RAB2A: variants seen among roughly 807,000 people sequenced by gnomAD.
RAB2A encodes RAB2A, member RAS oncogene family.
Under a neutral mutation model 32.5 loss-of-function variants are expected in RAB2A, and 7 were observed. That is an observed-to-expected ratio of 0.22 (90% CI 0.12 to 0.40). The LOEUF (loss-of-function observed/expected upper bound fraction) is 0.40. Among genes scored for constraint, RAB2A ranks in the 10% least tolerant of loss-of-function variants. The pLI, the probability that RAB2A is intolerant of heterozygous loss-of-function variation, is 1.00. For synonymous variants in RAB2A, 79 were observed against 85.2 expected (o/e 0.93, Z 0.40); for missense variants, 108 against 260.7 (o/e 0.41, Z 4.03).
Position 60,530,878 on chromosome 8 carries a change from T to G in RAB2A, c.46+13625T>G, listed in dbSNP as rs560042584. The stretch of plus-strand genomic sequence containing the variant: ...AACAATGTGGTAGATTTTCCAAGCA[T>G]GTATAGGTCACCTATTCCTTGCAGG... On this transcript the variant is annotated intron_variant, in intron 1 of 7. Coordinates refer to ENST00000262646, the MANE Select transcript of RAB2A (RefSeq NM_002865.3). Among the ~76,000 whole-genome samples the G allele has an allele frequency of 1.9e-4, 27 of 145,270 alleles. No homozygotes were observed. In the South Asian group the frequency reaches 6.2e-3, roughly 33 times the overall value.
intron 2 of RAB2A, among the ~76,000 whole-genome samples, chr8:60,570,603 CTG>C (rs1340336727): frequency 6.6e-6 from 1 of 152,016 alleles, no homozygotes; most frequent in Non-Finnish European, 1.5e-5. Context: ...TATGTAAACA[CTG>C]TAATGGTTTT....
At chr8:60,591,771 A>G in intron 5 of RAB2A, 87 bp from the exon 6 acceptor site, 1 of 812,208 alleles carries the variant, frequency 1.2e-6, no homozygotes, top group Non-Finnish European at 2.0e-6. Context: ...GGTCATCACA[A>G]CTTTGAATTC....
At chr8:60,612,054 G>A (rs930775716) in intron 6 of RAB2A, among the ~76,000 whole-genome samples, 14 of 152,070 alleles carry the variant, frequency 9.2e-5, no homozygotes, top group African/African-American at 2.4e-4. Flanking sequence ...GTGGTTTGCT[G>A]CACCTATCAA....
At chr8:60,595,649 A>G (rs957787579) in intron 6 of RAB2A, among the ~76,000 whole-genome samples, 8 of 152,254 alleles carry the variant, frequency 5.3e-5, no homozygotes, top group African/African-American at 1.7e-4. Context: ...GGGACATTAT[A>G]TAATGATAAA....
intron 2 of RAB2A, among the ~76,000 whole-genome samples, chr8:60,565,146 G>T (rs1220209316): frequency 4.6e-5 from 7 of 152,124 alleles, no homozygotes; most frequent in Non-Finnish European, 7.4e-5. Context: ...AGAAATGATT[G>T]CTGGGCTCAT....
intron 6 of RAB2A, among the ~76,000 whole-genome samples, chr8:60,605,851 A>AT (rs1228947672): frequency 6.8e-6 from 1 of 147,400 alleles, no homozygotes; most frequent in African/African-American, 2.6e-5. Flanking sequence ...ATATATATAT[A>AT]TAATGCTTCA....
chr8:60,578,561 A>C (rs922477364), intron 3 of RAB2A, among the ~76,000 whole-genome samples: 8 of 151,560 alleles, frequency 5.3e-5, no homozygotes, highest in African/African-American at 1.7e-4. Flanking sequence ...ATGGACTTGT[A>C]TGAGCAAGAT....
At chr8:60,540,907 T>G (rs1400438726) in intron 1 of RAB2A, among the ~76,000 whole-genome samples, 2 of 152,196 alleles carry the variant, frequency 1.3e-5, no homozygotes, top group Non-Finnish European at 2.9e-5. Context: ...AGCTTTTCCT[T>G]ATGTGAAAAC....
At chr8:60,602,639 A>G (rs1218355895) in intron 6 of RAB2A, among the ~76,000 whole-genome samples, 1 of 152,184 alleles carries the variant, frequency 6.6e-6, no homozygotes, top group African/African-American at 2.4e-5. Context: ...GCTGCTGACA[A>G]ATTACAATAT....
At chr8:60,551,627 A>G (rs770221635) in intron 1 of RAB2A, among the ~76,000 whole-genome samples, 20 of 152,182 alleles carry the variant, frequency 1.3e-4, no homozygotes, top group Non-Finnish European at 2.5e-4. Flanking sequence ...CAATTTTTCA[A>G]CTTTACAGTG....
At chr8:60,519,243 G>A (rs1192026423) in intron 1 of RAB2A, among the ~76,000 whole-genome samples, 1 of 152,152 alleles carries the variant, frequency 6.6e-6, no homozygotes, top group Non-Finnish European at 1.5e-5. Flanking sequence ...ATGTCAAAAG[G>A]CTACTCCTGT....
At chr8:60,534,891 A>T (rs545892496) in intron 1 of RAB2A, among the ~76,000 whole-genome samples, 63 of 151,122 alleles carry the variant, frequency 4.2e-4, no homozygotes, top group Non-Finnish European at 7.1e-4. Context: ...TTTGTACAAT[A>T]ATAAGCCTCA....
At chr8:60,583,084 G>A (rs1374924840) in intron 3 of RAB2A, among the ~76,000 whole-genome samples, 1 of 152,046 alleles carries the variant, frequency 6.6e-6, no homozygotes, top group African/African-American at 2.4e-5. Context: ...GGGTCAACAA[G>A]AGCAAGGTAT....
chr8:60,533,591 T>C (rs16926265), intron 1 of RAB2A, among the ~76,000 whole-genome samples: 9,681 of 152,232 alleles, frequency 0.064, 803 homozygotes, highest in African/African-American at 0.19. Context: ...AGGAATTTGA[T>C]TGACACATAT....
chr8:60,583,993 C>T (rs929765378), intron 3 of RAB2A: 15 of 403,908 alleles, frequency 3.7e-5, no homozygotes, highest in Non-Finnish European at 6.5e-5. Flanking sequence ...GTTGCAGGAG[C>T]GACTACATGT....
chr8:60,590,305 G>C (rs1428642680), intron 5 of RAB2A, among the ~76,000 whole-genome samples: 1 of 151,154 alleles, frequency 6.6e-6, no homozygotes, highest in Non-Finnish European at 1.5e-5. Flanking sequence ...TTCCTACTGA[G>C]TGATTTTTAC....
intron 1 of RAB2A, among the ~76,000 whole-genome samples, chr8:60,552,203 A>G (rs1807863042): frequency 6.6e-6 from 1 of 151,748 alleles, no homozygotes; most frequent in Non-Finnish European, 1.5e-5. Context: ...GGGTTTCACC[A>G]TGTTGGCCAG....
At chr8:60,525,281 G>A (rs988678108) in intron 1 of RAB2A, among the ~76,000 whole-genome samples, 9 of 152,150 alleles carry the variant, frequency 5.9e-5, no homozygotes, top group African/African-American at 1.4e-4. Flanking sequence ...GGTTTTATAA[G>A]TGTTTGACAG....
chr8:60,571,222 A>G (rs952563480), intron 2 of RAB2A, among the ~76,000 whole-genome samples: 2 of 152,228 alleles, frequency 1.3e-5, no homozygotes, highest in Non-Finnish European at 2.9e-5. Context: ...CCTATTTCTT[A>G]TAATTTGCCT....
Sources: allele counts gnomAD v4.1 joint callset (sites outside exome capture counted in the v4.1 genomes callset), GRCh38; gene constraint gnomAD v4.1.1; transcripts MANE v1.5; gene names NCBI Gene and HGNC (gene_info 2026-07-23, HGNC 2026-07-21).